The following CDK5RAP2 variants were observed in gnomAD, a reference collection of about 807,000 sequenced individuals.
CDK5RAP2 encodes the protein CDK5 regulatory subunit associated protein 2, also known as CDK5 regulatory subunit-associated protein 2.
In CDK5RAP2, 147 loss-of-function variants were observed where a neutral mutation model predicts 232.9. The observed-to-expected ratio is 0.63, with a 90% CI of 0.55 to 0.72. The LOEUF is 0.72. Ranked by LOEUF, CDK5RAP2 falls within the 30% of genes least tolerant of loss-of-function variation. The pLI is 0.00. For synonymous variants in CDK5RAP2, 833 were observed against 833.7 expected (o/e 1.00, Z 0.01); for missense variants, 2,195 against 2,231.5 (o/e 0.98, Z 0.33).
At chr9:120,413,445 TTATTCCTTTG>T (rs561700089) in intron 28 of CDK5RAP2, among the ~76,000 whole-genome samples, 219 of 152,376 alleles carry the variant, frequency 1.4e-3, no homozygotes, top group Non-Finnish European at 1.8e-3. Context: ...GGAGCCACTT[TTATTCCTTTG>T]TATTCCTTTG....
intron 1 of CDK5RAP2, among the ~76,000 whole-genome samples, chr9:120,578,340 A>G (rs7870279): frequency 0.98 from 149,177 of 152,306 alleles, 73,117 homozygotes; most frequent in East Asian, 1. Context: ...GGACAATACA[A>G]GAGAGAAGCC....
chr9:120,475,887 AG>A (rs2037980009), intron 15 of CDK5RAP2, among the ~76,000 whole-genome samples: 1 of 152,220 alleles, frequency 6.6e-6, no homozygotes, highest in Non-Finnish European at 1.5e-5. Context: ...GCTCCAACAC[AG>A]GTGAGGAGGC....
intron 9 of CDK5RAP2, among the ~76,000 whole-genome samples, chr9:120,528,349 G>A (rs759371365): frequency 3.9e-5 from 6 of 152,066 alleles, no homozygotes; most frequent in Non-Finnish European, 7.4e-5. Flanking sequence ...CCTCTCTTCC[G>A]GGCTGTTGTG....
At chr9:120,544,213 G>A (rs1405161476) in intron 5 of CDK5RAP2, among the ~76,000 whole-genome samples, 3 of 152,190 alleles carry the variant, frequency 2.0e-5, no homozygotes, top group Admixed American at 6.5e-5. Flanking sequence ...GCAAGCCTTT[G>A]TGAGCTGAGG....
chr9:120,433,870 T>C (rs1695658511), intron 25 of CDK5RAP2, among the ~76,000 whole-genome samples: 1 of 152,218 alleles, frequency 6.6e-6, no homozygotes, highest in Non-Finnish European at 1.5e-5. Flanking sequence ...CTAGATTCAC[T>C]GACTCACTCA....
At chr9:120,577,805 C>A (rs998316453) in intron 1 of CDK5RAP2, among the ~76,000 whole-genome samples, 1 of 152,170 alleles carries the variant, frequency 6.6e-6, no homozygotes, top group Non-Finnish European at 1.5e-5. Flanking sequence ...AGTAGCAGAA[C>A]TGGGATTAAA....
chr9:120,427,283 T>C (rs1032206726), intron 25 of CDK5RAP2, among the ~76,000 whole-genome samples: 2 of 152,240 alleles, frequency 1.3e-5, no homozygotes, highest in East Asian at 1.9e-4. Flanking sequence ...AAATCCATAA[T>C]GTTTTAAGAA....
intron 14 of CDK5RAP2, among the ~76,000 whole-genome samples, chr9:120,483,928 C>G (rs962201027): frequency 3.3e-5 from 5 of 152,206 alleles, no homozygotes; most frequent in Non-Finnish European, 5.9e-5. Context: ...GTGTCTATTT[C>G]AGTAGCTATG....
chr9:120,526,260 G>C (rs10984941), intron 10 of CDK5RAP2, among the ~76,000 whole-genome samples: 1 of 152,022 alleles, frequency 6.6e-6, no homozygotes, highest in Non-Finnish European at 1.5e-5. Flanking sequence ...CATCTCATCT[G>C]GATGGTCCAC....
At chr9:120,391,329 A>G (rs1487335861) in intron 36 of CDK5RAP2, among the ~76,000 whole-genome samples, 1 of 152,102 alleles carries the variant, frequency 6.6e-6, no homozygotes, top group Non-Finnish European at 1.5e-5. Flanking sequence ...AAGCACAGAA[A>G]TCCCCACTGC....
intron 12 of CDK5RAP2, among the ~76,000 whole-genome samples, chr9:120,504,731 G>A (rs1402297480): frequency 6.6e-6 from 1 of 152,164 alleles, no homozygotes; most frequent in Non-Finnish European, 1.5e-5. Context: ...TTCAGCTTAC[G>A]TTTCAGCTTT....
Position 120,403,150 on chromosome 9 carries a change from C to G in CDK5RAP2, c.5042-79G>C. On this transcript the variant is annotated intron_variant, in intron 33 of 37. Transcript: ENST00000349780. The surrounding 1 kb of genome is among the most constrained non-coding windows in gnomAD (Gnocchi z 4.2). ...AAGACGCTTATGATGTTGAAGCTAGCTAGGAGGGCTAGAAGAGGCCCTCGT... is the reference window on the plus strand; with the variant it reads ...AAGACGCTTATGATGTTGAAGCTAGGTAGGAGGGCTAGAAGAGGCCCTCGT... The G allele has an allele frequency of 6.7e-7, 1 of 1,493,928 alleles. No individual in the cohort carries two copies. The highest frequency in any genetic ancestry group is 2.3e-5 in the East Asian group (1 of 44,238). The allele number at this position is 1,493,928 out of a possible 1,614,324, so 92.5% of individuals were successfully genotyped here.
intron 3 of CDK5RAP2, among the ~76,000 whole-genome samples, chr9:120,563,100 C>A (rs975467336): frequency 2.0e-5 from 3 of 152,106 alleles, no homozygotes; most frequent in Non-Finnish European, 2.9e-5. Context: ...AAGACAGAAT[C>A]ATGAGTTGAG....
At chr9:120,523,680 C>G (rs2131874111) in intron 11 of CDK5RAP2, among the ~76,000 whole-genome samples, 1 of 152,240 alleles carries the variant, frequency 6.6e-6, no homozygotes, top group South Asian at 2.1e-4. Flanking sequence ...TACGTTACAA[C>G]CAAAAGCAAC....
chr9:120,471,035 T>A (rs766524805), intron 16 of CDK5RAP2, among the ~76,000 whole-genome samples: 1 of 152,164 alleles, frequency 6.6e-6, no homozygotes, highest in African/African-American at 2.4e-5. Context: ...CTCTACCTAA[T>A]GAGATGACTG....
intron 7 of CDK5RAP2, 47 bp from the exon 8 acceptor site, chr9:120,530,187 G>A (rs2041087132): frequency 6.9e-7 from 1 of 1,454,994 alleles, no homozygotes; most frequent in Non-Finnish European, 9.6e-7. Flanking sequence ...TGTTCTCTTA[G>A]CTCAGTGGAG....
chr9:120,462,183 T>C (rs756252631), intron 18 of CDK5RAP2, among the ~76,000 whole-genome samples: 2 of 152,218 alleles, frequency 1.3e-5, no homozygotes, highest in Non-Finnish European at 1.5e-5. Flanking sequence ...CATCCTACTA[T>C]ATTATCCAGC....
intron 3 of CDK5RAP2, among the ~76,000 whole-genome samples, chr9:120,566,081 G>A (rs947586054): frequency 6.6e-6 from 1 of 152,170 alleles, no homozygotes; most frequent in Non-Finnish European, 1.5e-5. Flanking sequence ...AGAATAGGAC[G>A]AATCATGAGT....
At chr9:120,547,440 C>T (rs2041889953) in intron 4 of CDK5RAP2, among the ~76,000 whole-genome samples, 1 of 151,970 alleles carries the variant, frequency 6.6e-6, no homozygotes, top group African/African-American at 2.4e-5. Context: ...ACTGTCTCAG[C>T]TAAAAATACA....
Sources: gnomAD v4.1 joint callset for allele counts (sites outside exome capture counted in the v4.1 genomes callset) on GRCh38, gnomAD v4.1.1 for gene constraint, Gnocchi (gnomAD v3.1) non-coding constraint, MANE v1.5 for transcripts, NCBI Gene and HGNC (gene_info 2026-07-23, HGNC 2026-07-21) for gene names.